FHIP1B: variants seen among roughly 807,000 people sequenced by gnomAD.
FHIP1B encodes FHF complex subunit HOOK interacting protein 1B, also known as FHF complex subunit HOOK-interacting protein 1B.
In FHIP1B, 28 loss-of-function variants were observed where a neutral mutation model predicts 82.2. That is an observed-to-expected ratio of 0.34 (90% CI 0.25 to 0.47). FHIP1B has a LOEUF of 0.47. FHIP1B is among the 20% of genes least tolerant of loss of function. The probability of loss-of-function intolerance (pLI) is 1.00; values close to 1 mark genes in which losing one functional copy is unlikely to be tolerated. For missense variants in FHIP1B, 1,110 were observed against 1,262.6 expected, an observed-to-expected ratio of 0.88 and a Z score of 1.83; for synonymous variants, 585 against 516.1, an observed-to-expected ratio of 1.13 and a Z score of -1.81.
intron 11 of FHIP1B, among the ~76,000 whole-genome samples, chr11:6,212,188 C>T (rs1847092425): frequency 2.0e-5 from 3 of 152,118 alleles, no homozygotes; most frequent in Admixed American, 1.3e-4. Context: ...ACACTTTAGC[C>T]ACTTCATTCC....
At position 6,216,844 on chromosome 11, in the gene FHIP1B, C is replaced by G. The variant is rs1431698088; in HGVS notation, c.2215+527G>C. 5 of 576,870 alleles carry G rather than the reference C, an allele frequency of 8.7e-6. No individual in the cohort carries two copies. The East Asian group carries it at 1.4e-4, about 16-fold the overall frequency. 35.7% of individuals were successfully genotyped at this position (576,870 alleles called of 1,614,324 possible). A position where few individuals can be genotyped will look rare whatever the true frequency, so the allele number is the denominator to read the frequency against. On this transcript the variant is annotated intron_variant, in intron 9 of 11. Coordinates refer to ENST00000449352, the MANE Select transcript of FHIP1B (RefSeq NM_001098794.2). ...AGGAAAAACTTGAAATCAAGTCCTT[C>G]TTTGAAGAGGTGGGGAGGAAGGAGC... is the stretch of plus-strand genomic sequence containing the variant.
rs138235200 is a variant in FHIP1B, at chr11:6,222,797, C to A, written c.1023+14G>T. 702 of 1,613,404 alleles carry A rather than the reference C, an allele frequency of 4.4e-4. 2 individuals are homozygous for A. In the African/African-American group the frequency reaches 8.1e-3, roughly 19 times the overall value. Reference sequence around the variant, plus strand: ...GCTTAGCCCCTTATATGCCTTGCCACCCATGACTCTCACCTTGTGCAAGGC... The same window carrying A: ...GCTTAGCCCCTTATATGCCTTGCCAACCATGACTCTCACCTTGTGCAAGGC... On this transcript the variant is annotated intron_variant, in intron 5 of 11. Transcript: ENST00000449352.
At chr11:6,224,934 C>G (rs1445824642) in intron 1 of FHIP1B, among the ~76,000 whole-genome samples, 1 of 152,192 alleles carries the variant, frequency 6.6e-6, no homozygotes, top group Non-Finnish European at 1.5e-5. Flanking sequence ...CCTAAATGCT[C>G]AAGCTGAAAA....
At chr11:6,213,032 T>TA (rs1328887178) in intron 11 of FHIP1B, among the ~76,000 whole-genome samples, 3 of 152,248 alleles carry the variant, frequency 2.0e-5, no homozygotes, top group Admixed American at 1.3e-4. Flanking sequence ...CTATGTCTTC[T>TA]ACCTCATACA....
At chr11:6,212,981 C>G (rs756236615) in intron 11 of FHIP1B, among the ~76,000 whole-genome samples, 2 of 152,184 alleles carry the variant, frequency 1.3e-5, no homozygotes, top group Non-Finnish European at 2.9e-5. Flanking sequence ...TCCACTGACT[C>G]CCAATTTTAC....
chr11:6,224,077 C>A lies in FHIP1B; in HGVS notation c.310G>T (p.Asp104Tyr). Residue 104 changes from aspartate to tyrosine, a missense_variant, in exon 3 of 12, where the codon GAT becomes TAT. This residue lies in a region of FHIP1B where 467 missense variants were observed against 602.9 expected (regional missense o/e 0.77). Transcript: ENST00000449352. ...CATGTCAACACACGGGTCAGCAGAT[C>A]CTCGTGCAGAGCAAACTCCAGCAGG... ...GPLLEFALHE[D>Y]LLTRVLTWQL... 3 of 1,613,664 alleles carry A rather than the reference C, an allele frequency of 1.9e-6. No homozygotes were observed. Among genetic ancestry groups the A allele is most frequent in the Non-Finnish European group, 1.7e-6 (2 of 1,179,796 alleles).
At chr11:6,214,651 C>T (rs576950572) in intron 10 of FHIP1B, 78 bp from the exon 11 acceptor site, 20 of 1,550,420 alleles carry the variant, frequency 1.3e-5, no homozygotes, top group Admixed American at 3.7e-5. Context: ...GGGCCTGTTC[C>T]CAGCCCACCC....
At chr11:6,232,852 CTT>C (rs961579960) in intron 1 of FHIP1B, among the ~76,000 whole-genome samples, 4 of 146,482 alleles carry the variant, frequency 2.7e-5, no homozygotes, top group Non-Finnish European at 1.5e-5. Flanking sequence ...TAAATTAGAT[CTT>C]TTTTTTTTTA....
intron 2 of FHIP1B, 51 bp downstream of exon 2, chr11:6,224,328 G>C: frequency 6.2e-7 from 1 of 1,614,184 alleles, no homozygotes; most frequent in Non-Finnish European, 8.5e-7. Flanking sequence ...TAGAAGGCTG[G>C]GAGAACTCAG....
chr11:6,223,345 C>G lies in FHIP1B; in HGVS notation c.778-107G>C. On this transcript the variant is annotated intron_variant, in intron 3 of 11. Transcript: ENST00000449352. This position sits in a 1 kb window ranked among gnomAD's most constrained non-coding sequence, Gnocchi z 4.8. ...GTTTTGATGGGAATAGGGGTATAAG[C>G]TATTACCAAAGCAAGCATTTGCCTA... 2.4e-6 allele frequency: 3 copies of G among 1,235,398 alleles called. No individual in the cohort carries two copies. The highest frequency in any genetic ancestry group is 3.4e-6 in the Non-Finnish European group (3 of 891,176). The allele number at this position is 1,235,398 out of a possible 1,614,324, so 76.5% of individuals were successfully genotyped here. A position where few individuals can be genotyped will look rare whatever the true frequency, so the allele number is the denominator to read the frequency against.
chr11:6,223,528 G>T lies in FHIP1B; in HGVS notation c.777+82C>A. On this transcript the variant is annotated intron_variant, in intron 3 of 11. Transcript: ENST00000449352. This position sits in a 1 kb window ranked among gnomAD's most constrained non-coding sequence, Gnocchi z 4.8. Reference sequence around the variant, plus strand: ...CTAGGGGAACGGGCCCTGGAACATAGCCTCTCCCCATCTCCTGGATAGGAA... The same window carrying T: ...CTAGGGGAACGGGCCCTGGAACATATCCTCTCCCCATCTCCTGGATAGGAA... 1 of 1,478,788 alleles carries T rather than the reference G, an allele frequency of 6.8e-7. No homozygotes were observed. Among genetic ancestry groups the T allele is most frequent in the Non-Finnish European group, 9.1e-7 (1 of 1,100,310 alleles). 91.6% of individuals were successfully genotyped at this position (1,478,788 alleles called of 1,614,324 possible).
intron 6 of FHIP1B, 50 bp from the exon 7 acceptor site, chr11:6,219,100 T>C (rs1847335727): frequency 6.9e-7 from 1 of 1,453,688 alleles, no homozygotes; most frequent in Non-Finnish European, 9.5e-7. Context: ...CTCTCTGCCC[T>C]CCAAGCCATT....
In FHIP1B at chr11:6,217,911, G is replaced by C. The variant is rs1363602662; in HGVS notation, c.1675C>G (p.Arg559Gly). Residue 559 changes from arginine (R) to glycine (G), a missense_variant, in exon 9 of 12, where the codon CGT becomes GGT. Around this residue, in one of 6 missense-constraint regions of FHIP1B, gnomAD observed 418 missense variants for 371.4 expected, o/e 1.13. Transcript: ENST00000449352. ...DNYLEYLREA[R>G]RGVDRCVRAC... Reference sequence around the variant, plus strand: ...CGGACACAGCGGTCCACACCACGACGTGCCTCACGCAGATACTCCAGGTAA... The same window carrying C: ...CGGACACAGCGGTCCACACCACGACCTGCCTCACGCAGATACTCCAGGTAA... 2 of 1,612,730 alleles carry C rather than the reference G, an allele frequency of 1.2e-6. No homozygotes were observed. The highest frequency in any genetic ancestry group is 2.7e-5 in the African/African-American group (2 of 74,920).
In FHIP1B at chr11:6,224,412, G is replaced by A. The variant is rs148752351; in HGVS notation, c.105C>T (p.Thr35=). The change falls in exon 2 of 12, where the codon ACC becomes ACT. Residue 35 remains threonine, a synonymous_variant. Transcript: ENST00000449352. ...AGTGATTCTTGAAGACCATGAGGCA[G>A]GTCTCGGGATCAGCCATGACTGGGG... The part of the protein sequence containing the change: ...LQTPVMADPE[T]CLMVFKNHWS... 2.0e-5 allele frequency: 33 copies of A among 1,614,096 alleles called. No homozygotes were observed. Among genetic ancestry groups the A allele is most frequent in the Non-Finnish European group, 2.6e-5 (31 of 1,180,046 alleles).
At chr11:6,213,187 C>T (rs1413300466) in intron 11 of FHIP1B, among the ~76,000 whole-genome samples, 1 of 152,208 alleles carries the variant, frequency 6.6e-6, no homozygotes, top group African/African-American at 2.4e-5. Context: ...AGAACTTTAC[C>T]TGAGACTTCA....
rs771298787 is a variant in FHIP1B, at chr11:6,223,241, A to G, written c.778-3T>C. The G allele has an allele frequency of 1.2e-5, 19 of 1,583,146 alleles. No individual in the cohort carries two copies. The South Asian group carries it at 1.9e-4, about 16-fold the overall frequency. Reference sequence around the variant, plus strand: ...GCACTGAGCCCTGTGGCCAGCACCTATGAGAAGTTACCAAAAGCTCATATA... The same window carrying G: ...GCACTGAGCCCTGTGGCCAGCACCTGTGAGAAGTTACCAAAAGCTCATATA... On this transcript the variant is annotated splice_polypyrimidine_tract_variant and splice_region_variant and intron_variant, in intron 3 of 11. Coordinates refer to ENST00000449352, the MANE Select transcript of FHIP1B (RefSeq NM_001098794.2). This position sits in a 1 kb window ranked among gnomAD's most constrained non-coding sequence, Gnocchi z 4.8.
In FHIP1B at chr11:6,211,679, C is replaced by T. The variant is rs755544760; in HGVS notation, c.2746G>A (p.Gly916Ser). 3.3e-5 allele frequency: 54 copies of T among 1,614,100 alleles called. No individual in the cohort carries two copies. The highest frequency in any genetic ancestry group is 4.2e-5 in the Non-Finnish European group (50 of 1,180,032). ...LTRGGAPERQ[G>S]EALRVKNAVY... ...GCATTCTTGACTCGAAGAGCCTCAC[C>T]TTGGCGTTCAGGGGCCCCGCCCCGG... Residue 916 changes from glycine (G) to serine (S), a missense_variant, in exon 12 of 12, where the codon GGT becomes AGT. Gly to Ser is a moderately conservative substitution (Grantham distance 56). Coordinates refer to ENST00000449352, the MANE Select transcript of FHIP1B (RefSeq NM_001098794.2).
At chr11:6,225,565 T>G (rs1395002267) in intron 1 of FHIP1B, among the ~76,000 whole-genome samples, 6 of 152,228 alleles carry the variant, frequency 3.9e-5, no homozygotes, top group Non-Finnish European at 7.3e-5. Context: ...TCTTATTGTG[T>G]CTGTTGTATC....
rs1165210012 is a variant in FHIP1B at position 6,222,438 on chromosome 11, A to T, written c.1191+4T>A. 14 of 1,613,578 alleles carry T rather than the reference A, an allele frequency of 8.7e-6. No homozygotes were observed. Among genetic ancestry groups the T allele is most frequent in the African/African-American group, 1.3e-5 (1 of 74,910 alleles). On this transcript the variant is annotated splice_donor_region_variant and intron_variant, in intron 6 of 11. Coordinates refer to ENST00000449352, the MANE Select transcript of FHIP1B (RefSeq NM_001098794.2). The stretch of plus-strand genomic sequence containing the variant: ...GTAAGCTAGGACAGGGGTAAGGGCC[A>T]TACCCGGGAGTTACTGCCAATACGA...
Sources: allele counts gnomAD v4.1 joint callset (sites outside exome capture counted in the v4.1 genomes callset), GRCh38; gene constraint gnomAD v4.1.1; regional missense constraint gnomAD v4.1.1; non-coding constraint Gnocchi (gnomAD v3.1); transcripts MANE v1.5; gene names NCBI Gene and HGNC (gene_info 2026-07-23, HGNC 2026-07-21).